The following PTGIS variants were observed in gnomAD, a reference collection of about 807,000 sequenced individuals.
The protein encoded by PTGIS is prostaglandin I2 synthase.
In PTGIS, 45 loss-of-function variants were observed where a neutral mutation model predicts 50.3. That is an observed-to-expected ratio of 0.90 (90% CI 0.70 to 1.15). The LOEUF is 1.15. PTGIS is among the 50% of genes most tolerant of loss of function. The pLI, the probability that PTGIS is intolerant of heterozygous loss-of-function variation, is 0.00. For missense variants in PTGIS, 668 were observed against 661.3 expected (o/e 1.01, Z -0.11); for synonymous variants, 260 against 267.7 (o/e 0.97, Z 0.28).
At chr20:49,524,470 C>G (rs140320988) in intron 5 of PTGIS, among the ~76,000 whole-genome samples, 1 of 152,176 alleles carries the variant, frequency 6.6e-6, no homozygotes, top group African/African-American at 2.4e-5. Flanking sequence ...GGGGTCTTGT[C>G]TCCTGCAGGT....
intron 2 of PTGIS, 150 bp downstream of exon 2, chr20:49,549,916 G>A: frequency 8.6e-7 from 1 of 1,164,910 alleles, no homozygotes. Flanking sequence ...ACAGGCAGCT[G>A]GATAGAAAGT....
intron 5 of PTGIS, among the ~76,000 whole-genome samples, chr20:49,539,366 C>T (rs934583950): frequency 1.3e-5 from 2 of 152,240 alleles, no homozygotes; most frequent in African/African-American, 2.4e-5. Flanking sequence ...ATCAGAATTT[C>T]CACCAGGAAC....
chr20:49,560,080 C>A (rs1194335114), intron 1 of PTGIS, among the ~76,000 whole-genome samples: 3 of 151,806 alleles, frequency 2.0e-5, no homozygotes, highest in African/African-American at 7.3e-5. Flanking sequence ...CCCGCCACCA[C>A]GCCCGGCCAA....
chr20:49,538,066 A>G (rs1486304149), intron 5 of PTGIS, among the ~76,000 whole-genome samples: 1 of 145,700 alleles, frequency 6.9e-6, no homozygotes, highest in South Asian at 2.2e-4. Flanking sequence ...CCAGTCTGGG[A>G]AACATAGTGA....
chr20:49,562,906 G>A (rs373213138), intron 1 of PTGIS, among the ~76,000 whole-genome samples: 7 of 152,344 alleles, frequency 4.6e-5, no homozygotes, highest in South Asian at 4.1e-4. Flanking sequence ...AAGGGAGGGC[G>A]TGTTGTTCAC....
rs370116740 is a variant in PTGIS at position 49,524,116 on chromosome 20, A to G, written c.797T>C (p.Met266Thr). Residue 266 changes from methionine (M) to threonine (T), a missense_variant, in exon 6 of 10, where the codon ATG (methionine) becomes ACG (threonine). Coordinates refer to ENST00000244043, the MANE Select transcript of PTGIS (RefSeq NM_000961.4). ...TGCCTGCATCTCCTCTGACACACCC[A>G]TCTCCTCCAGGTGCAGCAGGTAACT... ...LESYLLHLEE[M>T]GVSEEMQARA... 1.9e-5 allele frequency: 31 copies of G among 1,614,084 alleles called. No individual in the cohort carries two copies. In the African/African-American group the frequency reaches 2.4e-4, roughly 12 times the overall value.
chr20:49,516,685 C>T (rs1013984838), intron 6 of PTGIS, among the ~76,000 whole-genome samples: 1 of 152,134 alleles, frequency 6.6e-6, no homozygotes, highest in Non-Finnish European at 1.5e-5. Context: ...CTTTAGTGCC[C>T]GTGAGGCCAG....
At chr20:49,511,547 GAGA>G (rs1365065580) in intron 8 of PTGIS, among the ~76,000 whole-genome samples, 1 of 152,198 alleles carries the variant, frequency 6.6e-6, no homozygotes. Flanking sequence ...TGTAGAACTG[GAGA>G]AGAAGGGAAA....
chr20:49,516,048 T>TG (rs1981465642), intron 6 of PTGIS, among the ~76,000 whole-genome samples: 1 of 151,540 alleles, frequency 6.6e-6, no homozygotes, highest in Non-Finnish European at 1.5e-5. Flanking sequence ...GCTAGGTTTT[T>TG]TTTTTTTTTT....
intron 9 of PTGIS, 43 bp downstream of exon 9, chr20:49,510,985 G>T: frequency 6.3e-7 from 1 of 1,598,930 alleles, no homozygotes. Flanking sequence ...TGCCAACCAG[G>T]GGATCAGGAG....
intron 1 of PTGIS, among the ~76,000 whole-genome samples, chr20:49,564,089 G>A (rs1016636960): frequency 7.9e-5 from 12 of 152,232 alleles, no homozygotes; most frequent in Non-Finnish European, 1.5e-4. Context: ...CATGTTCACC[G>A]AATGGGGCTC....
intron 5 of PTGIS, among the ~76,000 whole-genome samples, chr20:49,527,435 C>T (rs1448793993): frequency 2.6e-5 from 4 of 151,684 alleles, no homozygotes; most frequent in Non-Finnish European, 4.4e-5. Context: ...CCAGCCTGGG[C>T]GACAGAGACT....
At chr20:49,559,987 C>T (rs910716160) in intron 1 of PTGIS, among the ~76,000 whole-genome samples, 14 of 150,764 alleles carry the variant, frequency 9.3e-5, no homozygotes, top group African/African-American at 2.7e-4. Context: ...TGCAATGGCG[C>T]GATCTTGGCT....
intron 5 of PTGIS, among the ~76,000 whole-genome samples, chr20:49,531,630 T>G (rs1420256257): frequency 2.0e-5 from 3 of 152,128 alleles, no homozygotes; most frequent in Non-Finnish European, 2.9e-5. Flanking sequence ...TGCTATTTTG[T>G]TGTTTTTTTT....
chr20:49,511,168 G>A lies in PTGIS; in HGVS notation c.1218C>T (p.Tyr406=). ...ATCCGTCAGGGTTCAGGAATCGGTT[G>A]TATTTAAATACCTGAAATAGGAAGA... ...EIYTDPEVFK[Y]NRFLNPDGSE... The change falls in exon 9 of 10, where the codon TAC becomes TAT. Residue 406 remains tyrosine, a synonymous_variant. Transcript: ENST00000244043. The A allele has an allele frequency of 1.2e-6, 2 of 1,614,184 alleles. No homozygotes were observed. The highest frequency in any genetic ancestry group is 1.1e-5 in the South Asian group (1 of 91,076).
At chr20:49,533,811 AT>A (rs1166189277) in intron 5 of PTGIS, among the ~76,000 whole-genome samples, 1 of 151,892 alleles carries the variant, frequency 6.6e-6, no homozygotes, top group African/African-American at 2.4e-5. Context: ...GTACAAACAC[AT>A]TATCCGGGGG....
rs376431252 is a variant in PTGIS, at chr20:49,536,447, T to C, written c.673+3123A>G. ...GTGCTCAGCAAACAGTGCTTTTTCT[T>C]TTTTTCTTTTCTTTCTTTCTTTCTT... is the stretch of plus-strand genomic sequence containing the variant. On this transcript the variant is annotated intron_variant, in intron 5 of 9. Coordinates refer to ENST00000244043, the MANE Select transcript of PTGIS (RefSeq NM_000961.4). Among the ~76,000 whole-genome samples, 131 of 151,480 alleles carry C rather than the reference T, an allele frequency of 8.6e-4. 6 individuals carry two copies. The highest frequency in any genetic ancestry group is 3.0e-3 in the African/African-American group (125 of 41,378).
At chr20:49,559,376 C>G (rs1982704968) in intron 1 of PTGIS, among the ~76,000 whole-genome samples, 1 of 152,148 alleles carries the variant, frequency 6.6e-6, no homozygotes, top group South Asian at 2.1e-4. Context: ...ATGGTGTGGC[C>G]ACTCTTTCGT....
chr20:49,508,830 C>A (rs1230910017), intron 9 of PTGIS, among the ~76,000 whole-genome samples: 1 of 152,198 alleles, frequency 6.6e-6, no homozygotes, highest in Non-Finnish European at 1.5e-5. Flanking sequence ...TAATCAGTGC[C>A]CCCATAAATG....
Sources: allele counts gnomAD v4.1 joint callset (sites outside exome capture counted in the v4.1 genomes callset), GRCh38; gene constraint gnomAD v4.1.1; transcripts MANE v1.5; gene names NCBI Gene and HGNC (gene_info 2026-07-23, HGNC 2026-07-21).